The following SEPTIN10 variants were observed in gnomAD, a reference collection of about 807,000 sequenced individuals.
SEPTIN10 encodes septin-10.
A neutral mutation model predicts 54.8 loss-of-function variants in SEPTIN10; 66 were observed. The ratio of observed to expected loss-of-function variants is 1.21; its 90% CI spans 0.99 to 1.48. SEPTIN10 has a LOEUF of 1.48. Among genes scored for constraint, SEPTIN10 ranks in the 40% most tolerant of loss-of-function variants. The pLI is 0.00. For missense variants in SEPTIN10, 620 were observed against 545.6 expected (o/e 1.14, Z -1.36); for synonymous variants, 161 against 181.0 (o/e 0.89, Z 0.89).
intron 1 of SEPTIN10, among the ~76,000 whole-genome samples, chr2:109,595,826 T>C (rs2106017711): frequency 6.6e-6 from 1 of 152,284 alleles, no homozygotes; most frequent in Non-Finnish European, 1.5e-5. Context: ...GTGCCACAGA[T>C]AATATCTGGC....
rs1241583635 is a variant in SEPTIN10, at chr2:109,543,651, G to A, written c.*658C>T. ...AATCAGATAGCCACGATATTAATGG[G>A]TTCTGTATTTTCAGTGGCACTGACT... On this transcript the variant is annotated 3_prime_UTR_variant, in exon 11 of 11. Coordinates refer to ENST00000397712, the MANE Select transcript of SEPTIN10 (RefSeq NM_144710.5). 6.6e-6 allele frequency: 1 copy of A among 152,498 alleles called. No homozygotes were observed. The highest frequency in any genetic ancestry group is 1.5e-5 in the Non-Finnish European group (1 of 68,304). 9.4% of individuals were successfully genotyped at this position (152,498 alleles called of 1,614,324 possible). A position where few individuals can be genotyped will look rare whatever the true frequency, so the allele number is the denominator to read the frequency against.
intron 9 of SEPTIN10, among the ~76,000 whole-genome samples, chr2:109,551,893 A>T (rs1161521836): frequency 6.6e-6 from 1 of 152,170 alleles, no homozygotes; most frequent in African/African-American, 2.4e-5. Flanking sequence ...AAGTTCAGTG[A>T]TTTTTTTGGT....
At chr2:109,552,796 A>G in intron 9 of SEPTIN10, 1 of 292,474 alleles carries the variant, frequency 3.4e-6, no homozygotes, top group Non-Finnish European at 6.3e-6. Flanking sequence ...TCATGAAAGA[A>G]AAATGTGTGC....
intron 1 of SEPTIN10, chr2:109,613,064 G>A (rs1193306277): frequency 5.2e-6 from 3 of 582,106 alleles, no homozygotes; most frequent in East Asian, 1.3e-4. Flanking sequence ...TTGTTTTTAA[G>A]AATACACAGG....
intron 8 of SEPTIN10, among the ~76,000 whole-genome samples, chr2:109,555,298 A>G (rs968678474): frequency 2.6e-5 from 4 of 152,126 alleles, no homozygotes; most frequent in Non-Finnish European, 5.9e-5. Context: ...CTGATATCCT[A>G]TCCTCAGGTT....
chr2:109,605,722 A>G (rs1469700157), intron 1 of SEPTIN10: 1 of 152,226 alleles, frequency 6.6e-6, no homozygotes, highest in Non-Finnish European at 1.5e-5. Flanking sequence ...ATAATGCTGT[A>G]TTAGGTTCTT....
At chr2:109,563,585 T>C (rs1276710771) in intron 8 of SEPTIN10, among the ~76,000 whole-genome samples, 4 of 152,230 alleles carry the variant, frequency 2.6e-5, no homozygotes. Context: ...AAGTCTGGGA[T>C]ACAGCACCAT....
intron 1 of SEPTIN10, among the ~76,000 whole-genome samples, chr2:109,596,879 T>TG (rs2106045640): frequency 6.6e-6 from 1 of 152,326 alleles, no homozygotes; most frequent in South Asian, 2.1e-4. Flanking sequence ...TAGTACTACT[T>TG]GGTCAGTTAA....
At chr2:109,606,672 C>CTTTTTTTTTTTTTTTT (rs34414105) in intron 1 of SEPTIN10, among the ~76,000 whole-genome samples, 1 of 71,896 alleles carries the variant, frequency 1.4e-5, no homozygotes, top group Non-Finnish European at 2.4e-5. Context: ...AAATTTTAAG[C>CTTTTTTTTTTTTTTTT]TTTTTTTTTT....
At chr2:109,567,200 T>C (rs1490966336) in intron 6 of SEPTIN10, among the ~76,000 whole-genome samples, 1 of 152,196 alleles carries the variant, frequency 6.6e-6, no homozygotes, top group East Asian at 1.9e-4. Context: ...ACTTTGTAGA[T>C]ATGTTAAGTC....
At position 109,543,028 on chromosome 2, in the gene SEPTIN10, A is replaced by G. The variant is rs534164295; in HGVS notation, c.*1281T>C. 6.6e-6 allele frequency: 1 copy of G among 152,436 alleles called. No individual in the cohort carries two copies. Among genetic ancestry groups the G allele is most frequent in the Non-Finnish European group, 1.5e-5 (1 of 68,012 alleles). 9.4% of individuals were successfully genotyped at this position (152,436 alleles called of 1,614,324 possible). A position where few individuals can be genotyped will look rare whatever the true frequency, so the allele number is the denominator to read the frequency against. ...TTTGTCAAGAGTAAATGTCAGTTTTATTTAGAATATTCAAGTACAAAAAAT... is the reference window on the plus strand; with the variant it reads ...TTTGTCAAGAGTAAATGTCAGTTTTGTTTAGAATATTCAAGTACAAAAAAT... On this transcript the variant is annotated 3_prime_UTR_variant, in exon 11 of 11. Coordinates refer to ENST00000397712, the MANE Select transcript of SEPTIN10 (RefSeq NM_144710.5).
At position 109,593,042 on chromosome 2, in the gene SEPTIN10, C is replaced by CA; in HGVS notation, c.99+8dup. The stretch of plus-strand genomic sequence containing the variant: ...TACAATATGGTATCTATTTAAAAGA[C>CA]ATACTCACTATCTGTTCATCATCTG... On this transcript the variant is annotated intron_variant, in intron 2 of 10. Transcript: ENST00000397712. 1.3e-6 allele frequency: 2 copies of CA among 1,568,150 alleles called. No homozygotes were observed. Among genetic ancestry groups the CA allele is most frequent in the Non-Finnish European group, 1.7e-6 (2 of 1,156,814 alleles).
intron 1 of SEPTIN10, among the ~76,000 whole-genome samples, chr2:109,603,229 TTATTAA>T (rs1204925015): frequency 1.3e-5 from 2 of 151,808 alleles, no homozygotes; most frequent in South Asian, 2.1e-4. Flanking sequence ...ATTATTATCA[TTATTAA>T]TATTATTATT....
intron 8 of SEPTIN10, among the ~76,000 whole-genome samples, chr2:109,561,345 C>A (rs935009844): frequency 2.0e-5 from 3 of 152,174 alleles, no homozygotes; most frequent in African/African-American, 7.2e-5. Flanking sequence ...GGAACCCCCC[C>A]ACCCACACAA....
intron 5 of SEPTIN10, among the ~76,000 whole-genome samples, chr2:109,569,557 GGAGA>G (rs1362266666): frequency 1.3e-5 from 2 of 151,860 alleles, no homozygotes; most frequent in Non-Finnish European, 1.5e-5. Context: ...ATGCTCCCAA[GGAGA>G]GAAATTTTTT....
chr2:109,544,164 C>G lies in SEPTIN10; in HGVS notation c.*145G>C. On this transcript the variant is annotated 3_prime_UTR_variant, in exon 11 of 11. Transcript: ENST00000397712. ...TGTATTGACCTTGTACTTGAAAGTA[C>G]TTTTCCATAAATATCAGTAACTGTG... is the stretch of plus-strand genomic sequence containing the variant. 1 of 1,570,476 alleles carries G rather than the reference C, an allele frequency of 6.4e-7. No homozygotes were observed. The highest frequency in any genetic ancestry group is 8.6e-7 in the Non-Finnish European group (1 of 1,159,340).
At chr2:109,600,312 C>T (rs986855496) in intron 1 of SEPTIN10, among the ~76,000 whole-genome samples, 6 of 152,074 alleles carry the variant, frequency 3.9e-5, no homozygotes, top group African/African-American at 1.4e-4. Context: ...GCAATACTAC[C>T]CCTGCCCCTC....
intron 4 of SEPTIN10, among the ~76,000 whole-genome samples, chr2:109,583,208 C>T (rs924762731): frequency 2.6e-5 from 4 of 152,136 alleles, no homozygotes; most frequent in South Asian, 2.1e-4. Flanking sequence ...GCAAAACAAA[C>T]CATCATCAGA....
At position 109,575,058 on chromosome 2, in the gene SEPTIN10, C is replaced by A. The variant is rs533913382; in HGVS notation, c.414-291G>T. Reference sequence around the variant, plus strand: ...AAACCTATCATAAAGTTGAGAAATCCTAAGTCAAACTATCCTAAATTCAGT... The same window carrying A: ...AAACCTATCATAAAGTTGAGAAATCATAAGTCAAACTATCCTAAATTCAGT... On this transcript the variant is annotated intron_variant, in intron 4 of 10. Transcript: ENST00000397712. Among the ~76,000 whole-genome samples, 6 of 152,294 alleles carry A rather than the reference C, an allele frequency of 3.9e-5. 1 individual carries two copies. Among genetic ancestry groups the A allele is most frequent in the African/African-American group, 1.4e-4 (6 of 41,568 alleles).
Sources: gnomAD v4.1 joint callset for allele counts (sites outside exome capture counted in the v4.1 genomes callset) on GRCh38, gnomAD v4.1.1 for gene constraint, MANE v1.5 for transcripts, NCBI Gene and HGNC (gene_info 2026-07-23, HGNC 2026-07-21) for gene names.